The following PCDH7 variants were observed in gnomAD, a reference collection of about 807,000 sequenced individuals.
PCDH7 encodes the protein protocadherin-7.
Under a neutral mutation model 58.9 loss-of-function variants are expected in PCDH7, and 17 were observed. That is an observed-to-expected ratio of 0.29 (90% CI 0.20 to 0.43). The LOEUF (loss-of-function observed/expected upper bound fraction) is 0.43, where lower values mean the gene tolerates loss of function less well. PCDH7 is among the 20% of genes least tolerant of loss of function. The pLI is 1.00. For missense variants in PCDH7, 1,274 were observed against 1,441.0 expected (o/e 0.88, Z 1.88); for synonymous variants, 664 against 616.4 (o/e 1.08, Z -1.14).
intron 1 of PCDH7, among the ~76,000 whole-genome samples, chr4:30,882,109 C>T (rs907246323): frequency 7.5e-5 from 11 of 147,224 alleles, no homozygotes; most frequent in African/African-American, 2.0e-4. Context: ...CCTCCTCCCC[C>T]TCCTCCTCCT....
At position 31,037,859 on chromosome 4, in the gene PCDH7, A is replaced by C. The variant is rs142352210; in HGVS notation, c.*7+87644A>C. On this transcript the variant is annotated intron_variant, in intron 3 of 3. Coordinates refer to the PCDH7 transcript ENST00000509759. ...ACTATAATATCATAATAGTATGGTGAAAGAAGGAGGCAGCAGTTCAAGTAG... is the reference window on the plus strand; with the variant it reads ...ACTATAATATCATAATAGTATGGTGCAAGAAGGAGGCAGCAGTTCAAGTAG... 2.0e-5 allele frequency among the ~76,000 whole-genome samples: 3 copies of C among 152,368 alleles called. No individual in the cohort carries two copies. The East Asian group carries it at 5.8e-4, about 29-fold the overall frequency.
At chr4:30,847,527 C>A (rs1410791432) in intron 1 of PCDH7, among the ~76,000 whole-genome samples, 2 of 152,066 alleles carry the variant, frequency 1.3e-5, no homozygotes, top group African/African-American at 2.4e-5. Context: ...GACAAAGGCA[C>A]AATGCAATGT....
intron 3 of PCDH7, among the ~76,000 whole-genome samples, chr4:31,126,899 G>A (rs563968565): frequency 1.3e-5 from 2 of 152,180 alleles, no homozygotes; most frequent in South Asian, 4.2e-4. Flanking sequence ...CAAGACACTG[G>A]CCAATACACA....
At chr4:31,088,689 C>A (rs1712805789) in intron 3 of PCDH7, among the ~76,000 whole-genome samples, 1 of 151,920 alleles carries the variant, frequency 6.6e-6, no homozygotes, top group African/African-American at 2.4e-5. Flanking sequence ...ATTGCTGAGT[C>A]TTTTAAAAGA....
intron 3 of PCDH7, among the ~76,000 whole-genome samples, chr4:30,979,605 C>G (rs76399560): frequency 6.6e-6 from 1 of 151,872 alleles, no homozygotes; most frequent in East Asian, 1.9e-4. Context: ...CATCACTCTA[C>G]TGACATGCAT....
At chr4:31,114,737 A>G (rs528000628) in intron 3 of PCDH7, among the ~76,000 whole-genome samples, 1 of 152,094 alleles carries the variant, frequency 6.6e-6, no homozygotes, top group African/African-American at 2.4e-5. Context: ...GGAGAGAGAA[A>G]GGGAGAGAGA....
chr4:30,779,326 CT>C (rs1159867517), intron 1 of PCDH7, among the ~76,000 whole-genome samples: 2 of 152,054 alleles, frequency 1.3e-5, no homozygotes, highest in East Asian at 1.9e-4. Context: ...GGCCCAGCCC[CT>C]GGTCTCATTT....
intron 1 of PCDH7, among the ~76,000 whole-genome samples, chr4:30,741,254 G>T (rs1560320018): frequency 1.4e-5 from 2 of 145,820 alleles, no homozygotes; most frequent in East Asian, 2.0e-4. Flanking sequence ...ACAGTAGATG[G>T]TTTTTTTTTT....
intron 2 of PCDH7, among the ~76,000 whole-genome samples, chr4:30,937,744 G>A (rs1358148503): frequency 6.6e-6 from 1 of 151,844 alleles, no homozygotes; most frequent in Non-Finnish European, 1.5e-5. Context: ...GACTCAGCTG[G>A]AGCTAGCATT....
At chr4:31,061,100 C>T (rs1272751368) in intron 3 of PCDH7, among the ~76,000 whole-genome samples, 1 of 151,608 alleles carries the variant, frequency 6.6e-6, no homozygotes, top group African/African-American at 2.4e-5. Context: ...TTACTGACTT[C>T]ATTTATTGTC....
chr4:30,776,799 A>T (rs948732369), intron 1 of PCDH7, among the ~76,000 whole-genome samples: 1 of 152,018 alleles, frequency 6.6e-6, no homozygotes, highest in African/African-American at 2.4e-5. Flanking sequence ...CCATTTGAGT[A>T]TATCATTAGG....
chr4:30,886,813 G>A (rs539936857), intron 1 of PCDH7, among the ~76,000 whole-genome samples: 294 of 150,088 alleles, frequency 2.0e-3, no homozygotes, highest in African/African-American at 7.0e-3. Context: ...ATGAGTTCAT[G>A]TCCTTTGCAG....
At chr4:31,089,564 A>G (rs77922087) in intron 3 of PCDH7, among the ~76,000 whole-genome samples, 20,748 of 152,084 alleles carry the variant, frequency 0.14, 1,633 homozygotes, top group South Asian at 0.2. Flanking sequence ...GATATAAAAT[A>G]TCAAAAAGAG....
At chr4:30,925,546 A>G (rs1743752799) in intron 2 of PCDH7, among the ~76,000 whole-genome samples, 1 of 152,164 alleles carries the variant, frequency 6.6e-6, no homozygotes, top group African/African-American at 2.4e-5. Flanking sequence ...GCAGAAAGAG[A>G]CTAACATGAC....
intron 2 of PCDH7, among the ~76,000 whole-genome samples, chr4:30,949,596 T>A (rs1747124664): frequency 6.6e-6 from 1 of 152,156 alleles, no homozygotes; most frequent in Admixed American, 6.6e-5. Flanking sequence ...GGGATTCTGT[T>A]AAATTAATTT....
chr4:31,110,865 A>G (rs1716206967), intron 3 of PCDH7, among the ~76,000 whole-genome samples: 3 of 151,966 alleles, frequency 2.0e-5, no homozygotes, highest in African/African-American at 7.3e-5. Flanking sequence ...TAGTGAGCCA[A>G]GATTATGTCA....
At chr4:30,929,984 T>G (rs1485526231) in intron 2 of PCDH7, among the ~76,000 whole-genome samples, 3 of 152,228 alleles carry the variant, frequency 2.0e-5, no homozygotes, top group Non-Finnish European at 2.9e-5. Context: ...TGACCATTTG[T>G]TGAGTATTTA....
In PCDH7 at chr4:30,723,161, G is replaced by A; in HGVS notation, c.1739G>A (p.Gly580Glu). The change falls in exon 1 of 2, where the codon GGG becomes GAG. Residue 580 changes from glycine to glutamate, a missense_variant. Gly to Glu is a moderately conservative substitution (Grantham distance 98, BLOSUM62 -2). Transcript: ENST00000361762. The surrounding 1 kb of genome is among the most constrained non-coding windows in gnomAD (Gnocchi z 4.6). The stretch of plus-strand genomic sequence containing the variant: ...TACTCGCTGGACTCCTCTGTGATGG[G>A]GATCTTTGCCATCGATCCCGATTCT... 6.2e-7 allele frequency: 1 copy of A among 1,614,124 alleles called. No individual in the cohort carries two copies. Among genetic ancestry groups the A allele is most frequent in the Middle Eastern group, 1.6e-4 (1 of 6,062 alleles).
chr4:30,726,458 A>C (rs574713483), intron 1 of PCDH7, among the ~76,000 whole-genome samples: 23 of 152,134 alleles, frequency 1.5e-4, no homozygotes, highest in Non-Finnish European at 2.8e-4. Context: ...CTGTGCTGTT[A>C]CTTAAGCTTC....
Sources: gnomAD v4.1 joint callset for allele counts (sites outside exome capture counted in the v4.1 genomes callset) on GRCh38, gnomAD v4.1.1 for gene constraint, Gnocchi (gnomAD v3.1) non-coding constraint, MANE v1.5 for transcripts, NCBI Gene and HGNC (gene_info 2026-07-23, HGNC 2026-07-21) for gene names.